NBAS: variants seen among roughly 807,000 people sequenced by gnomAD.
The protein encoded by NBAS is NAG/BC035112 fusion.
Under a neutral mutation model 302.5 loss-of-function variants are expected in NBAS, and 219 were observed. That is an observed-to-expected ratio of 0.72 (90% CI 0.65 to 0.81). NBAS has a LOEUF of 0.81. Among genes scored for constraint, NBAS ranks in the 30% least tolerant of loss-of-function variants. The pLI is 0.00. For missense variants in NBAS, 2,932 were observed against 2,841.6 expected (o/e 1.03, Z -0.72); for synonymous variants, 1,118 against 1,021.6 (o/e 1.09, Z -1.80).
chr2:14,979,299 A>G, the NBAS span, among the ~76,000 whole-genome samples: 2 of 152,294 alleles, frequency 1.3e-5, no homozygotes, highest in East Asian at 3.9e-4. Context: ...TTTTTCTTTA[A>G]ATAGTCATTG....
At chr2:15,128,180 G>T in the NBAS span, among the ~76,000 whole-genome samples, 3 of 152,134 alleles carry the variant, frequency 2.0e-5, no homozygotes, top group African/African-American at 7.2e-5. Flanking sequence ...AACAAGCTGA[G>T]TTTTTCTCAA....
intron 21 of NBAS, among the ~76,000 whole-genome samples, chr2:15,434,091 T>C (rs1162410561): frequency 6.6e-6 from 1 of 152,046 alleles, no homozygotes; most frequent in African/African-American, 2.4e-5. Context: ...TGTAACTGCA[T>C]TCCAGCCTGG....
chr2:15,465,701 T>C (rs1396250688), intron 19 of NBAS, among the ~76,000 whole-genome samples: 1 of 152,196 alleles, frequency 6.6e-6, no homozygotes, highest in Non-Finnish European at 1.5e-5. Context: ...TCAAGAACTT[T>C]GCTGAATTCT....
chr2:14,863,759 C>T, the NBAS span, among the ~76,000 whole-genome samples: 2 of 152,206 alleles, frequency 1.3e-5, no homozygotes, highest in African/African-American at 4.8e-5. Flanking sequence ...GATATGTCAA[C>T]ATGAGAGATT....
At chr2:15,364,504 C>G (rs113374237) in intron 32 of NBAS, among the ~76,000 whole-genome samples, 4 of 152,224 alleles carry the variant, frequency 2.6e-5, no homozygotes, top group African/African-American at 9.6e-5. Flanking sequence ...GCACTCCAGC[C>G]TGGGCAACAA....
chr2:15,092,076 G>A, the NBAS span, among the ~76,000 whole-genome samples: 10 of 152,168 alleles, frequency 6.6e-5, no homozygotes, highest in Non-Finnish European at 1.3e-4. Flanking sequence ...TGTAAATGGG[G>A]AAACTGAGGC....
At chr2:15,168,985 A>G (rs1558404361) in intron 51 of NBAS, among the ~76,000 whole-genome samples, 1 of 152,248 alleles carries the variant, frequency 6.6e-6, no homozygotes, top group Non-Finnish European at 1.5e-5. Context: ...TCTTGAAGGC[A>G]CAGAAGTTTT....
chr2:15,307,436 T>A (rs1361435689), intron 40 of NBAS, among the ~76,000 whole-genome samples: 2 of 152,180 alleles, frequency 1.3e-5, no homozygotes. Flanking sequence ...TTAGAATTTG[T>A]TTGGGGTTGG....
the NBAS span, among the ~76,000 whole-genome samples, chr2:14,904,605 AGC>A: frequency 6.5e-3 from 629 of 96,170 alleles, 13 homozygotes; most frequent in African/African-American, 0.02. Context: ...TGTCACAGTC[AGC>A]TGTGACTCAG....
chr2:15,229,776 C>G (rs1036974405), intron 47 of NBAS, among the ~76,000 whole-genome samples: 1 of 149,012 alleles, frequency 6.7e-6, no homozygotes, highest in African/African-American at 2.5e-5. Flanking sequence ...AGAGCAAACT[C>G]CACGTAAAAA....
Position 15,467,794 on chromosome 2 carries a change from G to C in NBAS, c.1888C>G (p.Pro630Ala). ...KGADDGRFTL[P>A]GEIDIDSISY... Reference sequence around the variant, plus strand: ...ATACTGTCAATGTCTATTTCACCAGGTAATGTAAATCTGCAAGTATAAAAG... The same window carrying C: ...ATACTGTCAATGTCTATTTCACCAGCTAATGTAAATCTGCAAGTATAAAAG... The change falls in exon 18 of 52, where the codon CCT (proline) becomes GCT (alanine). Residue 630 changes from proline to alanine, a missense_variant. Transcript: ENST00000281513. 1 of 1,589,426 alleles carries C rather than the reference G, an allele frequency of 6.3e-7. No homozygotes were observed. The highest frequency in any genetic ancestry group is 8.6e-7 in the Non-Finnish European group (1 of 1,158,538).
chr2:15,389,306 T>C (rs973640164), intron 28 of NBAS, among the ~76,000 whole-genome samples: 2 of 152,204 alleles, frequency 1.3e-5, no homozygotes, highest in African/African-American at 4.8e-5. Flanking sequence ...CCCATTCTCC[T>C]ACTGATGTGA....
At chr2:14,806,851 T>C in the NBAS span, among the ~76,000 whole-genome samples, 1 of 152,234 alleles carries the variant, frequency 6.6e-6, no homozygotes, top group African/African-American at 2.4e-5. Flanking sequence ...GATTATTCCA[T>C]TGCATCACCA....
chr2:14,822,822 C>G, the NBAS span, among the ~76,000 whole-genome samples: 1 of 152,142 alleles, frequency 6.6e-6, no homozygotes, highest in South Asian at 2.1e-4. Context: ...ATCACTAAAA[C>G]GAGGCTATCA....
At chr2:15,335,455 G>C (rs1020419832) in intron 35 of NBAS, among the ~76,000 whole-genome samples, 2 of 152,320 alleles carry the variant, frequency 1.3e-5, no homozygotes, top group Middle Eastern at 6.8e-3. Flanking sequence ...GCCAGCAATT[G>C]TAAGAGTTCT....
chr2:14,879,002 C>T, the NBAS span, among the ~76,000 whole-genome samples: 6 of 152,204 alleles, frequency 3.9e-5, no homozygotes, highest in Non-Finnish European at 7.3e-5. Flanking sequence ...GATCCTTTCA[C>T]TATATCCATA....
chr2:14,810,528 G>A, the NBAS span, among the ~76,000 whole-genome samples: 3 of 152,154 alleles, frequency 2.0e-5, no homozygotes, highest in Admixed American at 6.5e-5. Context: ...GGAACTATAA[G>A]TCCAATTAAA....
chr2:15,524,521 G>A (rs897122896), intron 9 of NBAS, among the ~76,000 whole-genome samples: 3 of 152,178 alleles, frequency 2.0e-5, no homozygotes, highest in African/African-American at 7.2e-5. Context: ...ACAGACAAGA[G>A]AAGATGGATA....
chr2:15,257,718 C>T (rs560327889), intron 44 of NBAS, among the ~76,000 whole-genome samples: 4 of 152,142 alleles, frequency 2.6e-5, no homozygotes, highest in East Asian at 3.9e-4. Context: ...CTAAATGAGG[C>T]GTCTGCTGAT....
Sources: gnomAD v4.1 joint callset for allele counts (sites outside exome capture counted in the v4.1 genomes callset) on GRCh38, gnomAD v4.1.1 for gene constraint, MANE v1.5 for transcripts, NCBI Gene and HGNC (gene_info 2026-07-23, HGNC 2026-07-21) for gene names.